The following SNAPC4 variants were observed in gnomAD, a reference collection of about 807,000 sequenced individuals.
SNAPC4 encodes small nuclear RNA activating complex polypeptide 4.
A neutral mutation model predicts 151.3 loss-of-function variants in SNAPC4; 127 were observed. The ratio of observed to expected loss-of-function variants is 0.84; its 90% CI spans 0.73 to 0.97. The LOEUF is 0.97. Among genes scored for constraint, SNAPC4 ranks in the 50% least tolerant of loss-of-function variants. The probability of loss-of-function intolerance (pLI) is 0.00; values close to 1 mark genes in which losing one functional copy is unlikely to be tolerated. For missense variants in SNAPC4, 2,186 were observed against 1,935.0 expected (o/e 1.13, Z -2.43); for synonymous variants, 1,002 against 824.4 (o/e 1.22, Z -3.69).
intron 10 of SNAPC4, among the ~76,000 whole-genome samples, chr9:136,390,277 C>G (rs999028854): frequency 6.6e-6 from 1 of 152,118 alleles, no homozygotes. Context: ...AGGGATGGGC[C>G]GGGCGCGGTG....
rs138458621 is a variant in SNAPC4, at chr9:136,383,954, C to G, written c.1499G>C (p.Gly500Ala). ...ATAAAGAAGGAGCGAGTGGCTCACC[C>G]CCATCATGATCTTCCACTTGCTCAG... is the stretch of plus-strand genomic sequence containing the variant. ...QCLSKWKIMMGKKQGLRRRRR... is the reference protein window; with the variant it reads ...QCLSKWKIMMAKKQGLRRRRR... The change falls in exon 15 of 24, where the codon GGG becomes GCG. Residue 500 changes from glycine to alanine, a missense_variant and splice_region_variant. By Grantham distance (60) the Gly-to-Ala change is moderately conservative. Coordinates refer to ENST00000684778, the MANE Select transcript of SNAPC4 (RefSeq NM_003086.4). The surrounding 1 kb of genome is among the most constrained non-coding windows in gnomAD (Gnocchi z 4.2). 2 of 1,613,064 alleles carry G rather than the reference C, an allele frequency of 1.2e-6. No individual in the cohort carries two copies.
chr9:136,397,050 T>G, intron 2 of SNAPC4, 27 bp from the exon 3 acceptor site: 2 of 1,609,272 alleles, frequency 1.2e-6, no homozygotes, highest in Non-Finnish European at 1.7e-6. Context: ...CAACACCGTG[T>G]TGGTAACCAG....
chr9:136,395,190 T>C, intron 5 of SNAPC4, 108 bp downstream of exon 5: 3 of 1,410,036 alleles, frequency 2.1e-6, no homozygotes, highest in Non-Finnish European at 1.9e-6. Context: ...TGGCCAATGT[T>C]ATCTTGAACT....
chr9:136,388,943 C>T (rs930216887), intron 10 of SNAPC4, among the ~76,000 whole-genome samples: 12 of 152,250 alleles, frequency 7.9e-5, no homozygotes, highest in African/African-American at 2.9e-4. Context: ...AGACGCACTG[C>T]TCTGCATGTG....
At position 136,394,178 on chromosome 9, in the gene SNAPC4, G is replaced by GA. The variant is rs1185517859; in HGVS notation, c.632+70_632+71insT. 2.4e-6 allele frequency: 3 copies of GA among 1,266,194 alleles called. No homozygotes were observed. In the African/African-American group the frequency reaches 4.4e-5, roughly 19 times the overall value. The allele number at this position is 1,266,194 out of a possible 1,614,324, so 78.4% of individuals were successfully genotyped here. A position where few individuals can be genotyped will look rare whatever the true frequency, so the allele number is the denominator to read the frequency against. On this transcript the variant is annotated intron_variant, in intron 7 of 23. Coordinates refer to ENST00000684778, the MANE Select transcript of SNAPC4 (RefSeq NM_003086.4). ...GATCCTCCTGCCTTGGCCTCCCAAA[G>GA]TGCTGGGATTCCAGGCATGAGCCCT...
chr9:136,388,154 C>G (rs1435650861), intron 11 of SNAPC4, among the ~76,000 whole-genome samples: 1 of 151,858 alleles, frequency 6.6e-6, no homozygotes, highest in Non-Finnish European at 1.5e-5. Flanking sequence ...GTAATCCCAG[C>G]TACTTGGGAG....
Position 136,377,734 on chromosome 9 carries a change from G to C in SNAPC4, c.4093C>G (p.Arg1365Gly). The stretch of plus-strand genomic sequence containing the variant: ...GTGAAGGCTGCCAGGAACCGCGCCC[G>C]CAACAGGAGGTAGGCCGGGTTGTCC... Reference protein sequence around the residue: ...LQDNPAYLLLRARFLAAFTLP... With the variant: ...LQDNPAYLLLGARFLAAFTLP... Residue 1365 changes from arginine to glycine, a missense_variant, in exon 22 of 24, where the codon CGG becomes GGG. Transcript: ENST00000684778. 1.2e-6 allele frequency: 2 copies of C among 1,609,370 alleles called. No homozygotes were observed.
chr9:136,379,877 G>A lies in SNAPC4; in HGVS notation c.2500-13C>T. The A allele has an allele frequency of 6.2e-7, 1 of 1,612,096 alleles. No individual in the cohort carries two copies. Among genetic ancestry groups the A allele is most frequent in the South Asian group, 1.1e-5 (1 of 90,690 alleles). On this transcript the variant is annotated splice_polypyrimidine_tract_variant and intron_variant, in intron 20 of 23. Coordinates refer to ENST00000684778, the MANE Select transcript of SNAPC4 (RefSeq NM_003086.4). ...CACTTGAGGATGCCTGGAAATGAAA[G>A]AGAGGAGAGTCAGCAGCTCAGGTGT...
chr9:136,379,647 A>G (rs554398362), intron 21 of SNAPC4, among the ~76,000 whole-genome samples, 190 bp downstream of exon 21: 7 of 152,258 alleles, frequency 4.6e-5, no homozygotes, highest in Admixed American at 4.6e-4. Context: ...CTGCAAGGGG[A>G]GCCCAGGGAG....
chr9:136,378,974 C>T lies in SNAPC4; in HGVS notation c.2853G>A (p.Pro951=), dbSNP rs376926751. 2.5e-5 allele frequency: 41 copies of T among 1,608,548 alleles called. No homozygotes were observed. The highest frequency in any genetic ancestry group is 1.1e-4 in the South Asian group (10 of 90,148). Residue 951 remains proline, a synonymous_variant, in exon 22 of 24, where the codon CCG becomes CCA. Transcript: ENST00000684778. ...CCGCGGGGGCCCCAGGCCCAGAGAG[C>T]GGTACATTTAAGACGGTGGGACCCG... The part of the protein sequence containing the change: ...PAPGPTVLNV[P]LSGPGAPAAA...
In SNAPC4 at chr9:136,381,942, G is replaced by A. The variant is rs374908242; in HGVS notation, c.2199C>T (p.His733=). 3.2e-5 allele frequency: 51 copies of A among 1,612,602 alleles called. No individual in the cohort carries two copies. The highest frequency in any genetic ancestry group is 1.3e-4 in the Admixed American group (8 of 59,976). ...GGTTCAGGAGCCTCCGGTGCAGAGC[G>A]TGTCTCCAGCGCCGCTGCCCACTCT... ...ATQSGQRRWR[H]ALHRRLLNRR... is the part of the protein sequence containing the mutation. The change falls in exon 18 of 24, where the codon CAC becomes CAT. Residue 733 remains histidine, a synonymous_variant. Coordinates refer to ENST00000684778, the MANE Select transcript of SNAPC4 (RefSeq NM_003086.4).
chr9:136,378,397 G>C lies in SNAPC4; in HGVS notation c.3430C>G (p.Pro1144Ala), dbSNP rs141588170. ...WQPPANMNRE[P>A]EPSCRTDTPA... is the part of the protein sequence containing the mutation. ...GTGTCTGTCCTGCAGGAAGGCTCCG[G>C]TTCCCTGTTCATATTGGCTGGGGGC... is the stretch of plus-strand genomic sequence containing the variant. Residue 1144 changes from proline to alanine, a missense_variant, in exon 22 of 24, where the codon CCG becomes GCG. Physicochemically the swap from Pro to Ala is conservative, Grantham distance 27. Coordinates refer to ENST00000684778, the MANE Select transcript of SNAPC4 (RefSeq NM_003086.4). 6.2e-7 allele frequency: 1 copy of C among 1,608,606 alleles called. No individual in the cohort carries two copies. Among genetic ancestry groups the C allele is most frequent in the African/African-American group, 1.3e-5 (1 of 75,008 alleles).
intron 7 of SNAPC4, among the ~76,000 whole-genome samples, chr9:136,393,057 C>T (rs1834137034): frequency 1.3e-5 from 2 of 152,192 alleles, no homozygotes; most frequent in Admixed American, 1.3e-4. Flanking sequence ...CCTCAGTGCC[C>T]CAGCTCCCAG....
intron 5 of SNAPC4, 67 bp downstream of exon 5, chr9:136,395,231 C>G: frequency 6.4e-7 from 1 of 1,560,428 alleles, no homozygotes. Context: ...TGCAGCAGGA[C>G]TTGGGGACAA....
At chr9:136,377,497 G>T in intron 22 of SNAPC4, 46 bp downstream of exon 22, 1 of 1,495,478 alleles carries the variant, frequency 6.7e-7, no homozygotes. Context: ...GGCACCCCAG[G>T]GACCGCCGCC....
At chr9:136,390,001 T>C (rs1588758322) in intron 10 of SNAPC4, among the ~76,000 whole-genome samples, 1 of 152,186 alleles carries the variant, frequency 6.6e-6, no homozygotes, top group East Asian at 1.9e-4. Context: ...GAAAAAGCCA[T>C]TAATGGATGG....
Position 136,383,596 on chromosome 9 carries a change from C to T in SNAPC4, c.1573G>A (p.Gly525Ser), listed in dbSNP as rs546519178. The T allele has an allele frequency of 1.4e-5, 22 of 1,611,552 alleles. No individual in the cohort carries two copies. The highest frequency in any genetic ancestry group is 1.1e-4 in the South Asian group (10 of 90,976). The change falls in exon 16 of 24, where the codon GGC (glycine) becomes AGC (serine). Residue 525 changes from glycine (G) to serine (S), a missense_variant. Gly to Ser is a moderately conservative substitution (Grantham distance 56, BLOSUM62 0). Coordinates refer to ENST00000684778, the MANE Select transcript of SNAPC4 (RefSeq NM_003086.4). This position sits in a 1 kb window ranked among gnomAD's most constrained non-coding sequence, Gnocchi z 4.2. The part of the protein sequence containing the change: ...SVRWSSTSSS[G>S]SSSGSSGGSS... ...CCTCCACTGCTGCCACTGCTGCTGC[C>T]GCTGCTGCTGGTAGAGCTCCACCGG...
At position 136,383,682 on chromosome 9, in the gene SNAPC4, A is replaced by G. The variant is rs774839903; in HGVS notation, c.1501-14T>C. On this transcript the variant is annotated splice_polypyrimidine_tract_variant and intron_variant, in intron 15 of 23. Transcript: ENST00000684778. The surrounding 1 kb of genome is among the most constrained non-coding windows in gnomAD (Gnocchi z 4.2). ...ACCCTGCTTCTTCTGAGGGGAGGAA[A>G]GAGCTACTTAGAGGCCTTGGCAAGC... 6.3e-7 allele frequency: 1 copy of G among 1,586,820 alleles called. No individual in the cohort carries two copies. The highest frequency in any genetic ancestry group is 8.6e-7 in the Non-Finnish European group (1 of 1,165,760).
At chr9:136,386,813 C>T in intron 13 of SNAPC4, among the ~76,000 whole-genome samples, 1 of 151,864 alleles carries the variant, frequency 6.6e-6, no homozygotes, top group Non-Finnish European at 1.5e-5. Context: ...AGTGCTGTGG[C>T]GTGATCTCAG....
Sources: gnomAD v4.1 joint callset for allele counts (sites outside exome capture counted in the v4.1 genomes callset) on GRCh38, gnomAD v4.1.1 for gene constraint, Gnocchi (gnomAD v3.1) non-coding constraint, MANE v1.5 for transcripts, NCBI Gene and HGNC (gene_info 2026-07-23, HGNC 2026-07-21) for gene names.